Variants in CCDC146 observed in about 807,000 individuals in gnomAD.
The protein encoded by CCDC146 is coiled-coil domain containing 146.
In CCDC146, 92 loss-of-function variants were observed where a neutral mutation model predicts 119.3. That is an observed-to-expected ratio of 0.77 (90% CI 0.65 to 0.92). CCDC146 has a LOEUF of 0.92. CCDC146 is among the 40% of genes least tolerant of loss of function. The pLI is 0.00. For synonymous variants in CCDC146, 372 were observed against 371.8 expected (o/e 1.00, Z -0.01); for missense variants, 1,000 against 1,103.0 (o/e 0.91, Z 1.32).
chr7:77,254,416 G>A (rs1052393007), intron 4 of CCDC146, 90 bp from the exon 5 acceptor site: 2 of 706,398 alleles, frequency 2.8e-6, no homozygotes. Flanking sequence ...GCATGGGAAT[G>A]ACATTCTGGG....
intron 2 of CCDC146, among the ~76,000 whole-genome samples, chr7:77,206,162 A>T (rs1025063553): frequency 6.6e-6 from 1 of 152,236 alleles, no homozygotes; most frequent in African/African-American, 2.4e-5. Flanking sequence ...CAAAGACAAG[A>T]TCTATGAATA....
chr7:77,224,621 G>A (rs1020789833), intron 2 of CCDC146, among the ~76,000 whole-genome samples: 3 of 152,196 alleles, frequency 2.0e-5, no homozygotes, highest in Non-Finnish European at 2.9e-5. Flanking sequence ...CACAGGAATT[G>A]TAGTTGCTAT....
chr7:77,236,830 C>T, intron 2 of CCDC146, 117 bp from the exon 3 acceptor site: 2 of 737,228 alleles, frequency 2.7e-6, no homozygotes, highest in Admixed American at 4.6e-5. Flanking sequence ...TACATTGCCT[C>T]GTGTATCCTC....
intron 3 of CCDC146, 77 bp from the exon 4 acceptor site, chr7:77,241,614 C>T: frequency 8.0e-7 from 1 of 1,245,978 alleles, no homozygotes; most frequent in South Asian, 1.3e-5. Context: ...GAGCAGCTAT[C>T]CTCACTAGAC....
At chr7:77,288,139 G>T (rs116047202) in intron 17 of CCDC146, among the ~76,000 whole-genome samples, 1 of 152,162 alleles carries the variant, frequency 6.6e-6, no homozygotes, top group African/African-American at 2.4e-5. Flanking sequence ...CAGGGTCAGG[G>T]TGGGACTGCT....
At position 77,271,414 on chromosome 7, in the gene CCDC146, C is replaced by T. The variant is rs142729602; in HGVS notation, c.1174-2280C>T. ...CTGGCTTTCCTTCCTCCTCAGCTTG[C>T]AGATGGCCTATTGTGGGACCCTGTG... On this transcript the variant is annotated intron_variant, in intron 9 of 18. Coordinates refer to ENST00000285871, the MANE Select transcript of CCDC146 (RefSeq NM_020879.3). Among the ~76,000 whole-genome samples, 552 of 150,346 alleles carry T rather than the reference C, an allele frequency of 3.7e-3. 3 individuals are homozygous for T. The highest frequency in any genetic ancestry group is 0.013 in the African/African-American group (516 of 40,818).
chr7:77,284,024 C>A (rs966441012), intron 15 of CCDC146, among the ~76,000 whole-genome samples: 18 of 152,184 alleles, frequency 1.2e-4, no homozygotes, highest in African/African-American at 4.3e-4. Context: ...GGCTCTGACT[C>A]CTGCTTCCAA....
intron 1 of CCDC146, among the ~76,000 whole-genome samples, chr7:77,162,373 A>G (rs1219649316): frequency 6.6e-6 from 1 of 152,152 alleles, no homozygotes; most frequent in Non-Finnish European, 1.5e-5. Context: ...TGGCTATCCA[A>G]TTTCCCTAAC....
At chr7:77,132,674 C>G (rs1280304475) in intron 1 of CCDC146, among the ~76,000 whole-genome samples, 1 of 151,912 alleles carries the variant, frequency 6.6e-6, no homozygotes, top group East Asian at 1.9e-4. Context: ...GATGTCAAGG[C>G]TGCAGTGAGC....
At chr7:77,166,256 A>T (rs567243300) in intron 1 of CCDC146, among the ~76,000 whole-genome samples, 1 of 152,224 alleles carries the variant, frequency 6.6e-6, no homozygotes, top group Admixed American at 6.5e-5. Context: ...TGAAGAGTTA[A>T]ATCTTTTTAG....
Position 77,147,030 on chromosome 7 carries a change from G to A in CCDC146, c.-11-20628G>A, listed in dbSNP as rs147685822. On this transcript the variant is annotated intron_variant, in intron 1 of 18. Transcript: ENST00000285871. The stretch of plus-strand genomic sequence containing the variant: ...TTTCCAACTTGGTTCCATTCTCCCC[G>A]TCACTTTAAGCTACACCAATCAGAT... Among the ~76,000 whole-genome samples the A allele has an allele frequency of 3.9e-3, 600 of 152,230 alleles. 2 individuals are homozygous for A. The highest frequency in any genetic ancestry group is 0.013 in the African/African-American group (559 of 41,530).
At chr7:77,235,130 T>G (rs1792710388) in intron 2 of CCDC146, among the ~76,000 whole-genome samples, 1 of 152,194 alleles carries the variant, frequency 6.6e-6, no homozygotes, top group Non-Finnish European at 1.5e-5. Flanking sequence ...GATTATACTG[T>G]GCCTGGGATT....
At chr7:77,195,700 A>T (rs1031796957) in intron 2 of CCDC146, 1 of 152,232 alleles carries the variant, frequency 6.6e-6, no homozygotes, top group Non-Finnish European at 1.5e-5. Flanking sequence ...TCTGTCACCC[A>T]TGCTGGAGTG....
At chr7:77,259,169 A>C (rs984071697) in intron 7 of CCDC146, 101 bp downstream of exon 7, 6 of 677,348 alleles carry the variant, frequency 8.9e-6, no homozygotes, top group South Asian at 2.4e-5. Context: ...TTACTATGAT[A>C]ATTTTAGAAA....
chr7:77,261,824 A>G (rs1401037188), intron 8 of CCDC146, among the ~76,000 whole-genome samples: 1 of 152,042 alleles, frequency 6.6e-6, no homozygotes, highest in Non-Finnish European at 1.5e-5. Flanking sequence ...TATGTACCAC[A>G]TTTTCTTTAT....
chr7:77,280,721 A>C, intron 14 of CCDC146, 68 bp downstream of exon 14: 2 of 1,059,146 alleles, frequency 1.9e-6, no homozygotes, highest in Non-Finnish European at 2.8e-6. Flanking sequence ...TTTTCTATCT[A>C]GACTTGACAG....
chr7:77,284,168 C>T (rs1793809576), intron 15 of CCDC146, among the ~76,000 whole-genome samples: 1 of 152,198 alleles, frequency 6.6e-6, no homozygotes. Context: ...AGCGAGGCCT[C>T]TGTGGACAGA....
chr7:77,218,793 A>C (rs1792346977), intron 2 of CCDC146, among the ~76,000 whole-genome samples: 1 of 151,864 alleles, frequency 6.6e-6, no homozygotes, highest in Non-Finnish European at 1.5e-5. Context: ...GCTGGTCCCT[A>C]ACTCCTGGGC....
chr7:77,241,584 G>T lies in CCDC146; in HGVS notation c.240-107G>T, dbSNP rs1035069666. On this transcript the variant is annotated intron_variant, in intron 3 of 18. Coordinates refer to ENST00000285871, the MANE Select transcript of CCDC146 (RefSeq NM_020879.3). ...CTTGGCACAAAAATGTCCCAGAGTTGAGTTGATCTGAGGAGTGGGGAGCAG... is the reference window on the plus strand; with the variant it reads ...CTTGGCACAAAAATGTCCCAGAGTTTAGTTGATCTGAGGAGTGGGGAGCAG... 3.2e-5 allele frequency: 28 copies of T among 880,412 alleles called. No homozygotes were observed. The Admixed American group carries it at 4.8e-4, about 15-fold the overall frequency. The allele number at this position is 880,412 out of a possible 1,614,324, so 54.5% of individuals were successfully genotyped here.
Sources: allele counts gnomAD v4.1 joint callset (sites outside exome capture counted in the v4.1 genomes callset), GRCh38; gene constraint gnomAD v4.1.1; transcripts MANE v1.5; gene names NCBI Gene and HGNC (gene_info 2026-07-23, HGNC 2026-07-21).